The following REPS2 variants were observed in gnomAD, a reference collection of about 807,000 sequenced individuals.
The protein encoded by REPS2 is RALBP1 associated Eps domain containing 2.
REPS2 carries 23 observed loss-of-function variants against 53.6 expected under a neutral mutation model. The ratio of observed to expected loss-of-function variants is 0.43; its 90% confidence interval spans 0.31 to 0.61. The LOEUF (loss-of-function observed/expected upper bound fraction) is 0.61, where lower values mean the gene tolerates loss of function less well. Among genes scored for constraint, REPS2 ranks in the 20% least tolerant of loss-of-function variants. REPS2 has a pLI of 0.11. For synonymous variants in REPS2, 238 were observed against 218.6 expected (o/e 1.09, Z -0.78); for missense variants, 446 against 534.9 (o/e 0.83, Z 1.64).
intron 13 of REPS2, among the ~76,000 whole-genome samples, chrX:17,098,175 A>C (rs1446740471): frequency 9.0e-6 from 1 of 111,452 alleles, no homozygotes; most frequent in Non-Finnish European, 1.9e-5. Flanking sequence ...GATATAAAAA[A>C]CTTACCAAGT....
At chrX:17,008,187 T>C (rs763213875) in intron 2 of REPS2, among the ~76,000 whole-genome samples, 8 of 112,460 alleles carry the variant, frequency 7.1e-5, no homozygotes, top group African/African-American at 9.7e-5. Flanking sequence ...TAGTTGAAAG[T>C]TGCATCACAC....
chrX:17,175,909 G>T, the REPS2 span, among the ~76,000 whole-genome samples: 1 of 112,115 alleles, frequency 8.9e-6, no homozygotes, highest in African/African-American at 3.2e-5. Flanking sequence ...CCTGTAGGAG[G>T]TTCCACAGCC....
intron 1 of REPS2, among the ~76,000 whole-genome samples, chrX:16,986,733 G>C (rs2061095205): frequency 9.0e-6 from 1 of 111,126 alleles, no homozygotes; most frequent in Non-Finnish European, 1.9e-5. Flanking sequence ...TTTCACTACT[G>C]TGGGGTATTG....
At chrX:17,005,417 T>A (rs1270412719) in intron 1 of REPS2, among the ~76,000 whole-genome samples, 1 of 111,920 alleles carries the variant, frequency 8.9e-6, no homozygotes, top group Non-Finnish European at 1.9e-5. Context: ...CTACCAAACT[T>A]CAACAATTAC....
At position 17,025,162 on chromosome X, in the gene REPS2, G is replaced by A. The variant is rs371199285; in HGVS notation, c.650G>A (p.Ser217Asn). ...AGCCATGGCTACAGCAAACTGCGGA[G>A]CAGCGCAGAACAGATGCATCCAGGT... ...PLSHGYSKLR[S>N]SAEQMHPAPY... The change falls in exon 4 of 18, where the codon AGC becomes AAC. Residue 217 changes from serine to asparagine, a missense_variant. Transcript: ENST00000357277. 1 of 1,211,789 alleles carries A rather than the reference G, an allele frequency of 8.3e-7. No individual in the cohort carries two copies. Among genetic ancestry groups the A allele is most frequent in the South Asian group, 1.8e-5 (1 of 56,979 alleles).
At chrX:16,952,492 C>A (rs1238261691) in intron 1 of REPS2, among the ~76,000 whole-genome samples, 1 of 111,555 alleles carries the variant, frequency 9.0e-6, no homozygotes, top group East Asian at 2.8e-4. Context: ...TAAAAAAAAC[C>A]CAATAAGTGT....
rs755190214 is a variant in REPS2 at position 17,125,064 on chromosome X, A to T, written c.1579-8760A>T. 1.6e-4 allele frequency among the ~76,000 whole-genome samples: 18 copies of T among 110,223 alleles called. No homozygotes were observed. The East Asian group carries it at 4.9e-3, about 30-fold the overall frequency. On this transcript the variant is annotated intron_variant, in intron 14 of 17. Transcript: ENST00000357277. ...TTTTTAGTAGAGACGGGGTTTCATC[A>T]TGTTGGTAGGCTGGTCTCAAACTCC... is the stretch of plus-strand genomic sequence containing the variant.
At chrX:17,026,948 G>T (rs1390175987) in intron 4 of REPS2, among the ~76,000 whole-genome samples, 1 of 110,338 alleles carries the variant, frequency 9.1e-6, no homozygotes, top group Non-Finnish European at 1.9e-5. Flanking sequence ...CCACCACACC[G>T]GGCTAATTTT....
chrX:16,980,679 T>G (rs2061010557), intron 1 of REPS2, among the ~76,000 whole-genome samples: 1 of 112,205 alleles, frequency 8.9e-6, no homozygotes, highest in African/African-American at 3.2e-5. Flanking sequence ...TTTATAATAT[T>G]TTAATAACGT....
intron 1 of REPS2, among the ~76,000 whole-genome samples, chrX:16,961,040 G>T (rs2060654862): frequency 9.0e-6 from 1 of 111,672 alleles, no homozygotes; most frequent in Non-Finnish European, 1.9e-5. Flanking sequence ...ACAATATACA[G>T]GTTCAATGCA....
chrX:17,008,429 T>G (rs2061388313), intron 2 of REPS2, among the ~76,000 whole-genome samples: 1 of 112,112 alleles, frequency 8.9e-6, no homozygotes, highest in Non-Finnish European at 1.9e-5. Context: ...GCAGGATTGT[T>G]GAAGTTATCA....
intron 14 of REPS2, among the ~76,000 whole-genome samples, chrX:17,125,180 T>C (rs944006852): frequency 2.5e-4 from 28 of 110,616 alleles, no homozygotes; most frequent in African/African-American, 7.6e-4. Flanking sequence ...GGATTTGACT[T>C]TTTTTTTGGT....
chrX:17,167,051 G>C, the REPS2 span, among the ~76,000 whole-genome samples: 1 of 111,862 alleles, frequency 8.9e-6, no homozygotes, highest in Non-Finnish European at 1.9e-5. Flanking sequence ...TTTTTATGTT[G>C]ATTTCTTTGG....
intron 14 of REPS2, among the ~76,000 whole-genome samples, chrX:17,109,136 T>C (rs113449575): frequency 0.025 from 2,788 of 110,867 alleles, 90 homozygotes; most frequent in African/African-American, 0.087. Context: ...GTTCCAGTTC[T>C]GGTAGGGATG....
intron 5 of REPS2, among the ~76,000 whole-genome samples, chrX:17,032,362 C>A (rs1353930898): frequency 1.8e-5 from 2 of 112,110 alleles, no homozygotes; most frequent in Non-Finnish European, 3.8e-5. Context: ...GATTTAACAG[C>A]CCATTGTAAC....
At chrX:17,061,349 A>G (rs2062156631) in intron 8 of REPS2, among the ~76,000 whole-genome samples, 1 of 112,106 alleles carries the variant, frequency 8.9e-6, no homozygotes, top group African/African-American at 3.2e-5. Flanking sequence ...TATGTTGCCC[A>G]GGCTGGTCTC....
intron 13 of REPS2, among the ~76,000 whole-genome samples, chrX:17,087,772 T>C (rs972609654): frequency 9.0e-6 from 1 of 110,605 alleles, no homozygotes; most frequent in Non-Finnish European, 1.9e-5. Flanking sequence ...CCATCTCTAC[T>C]AAAAATACAA....
the REPS2 span, among the ~76,000 whole-genome samples, chrX:17,180,607 TTC>T: frequency 0.04 from 3,858 of 97,503 alleles, 160 homozygotes; most frequent in African/African-American, 0.15. Context: ...CAGGCTTTGG[TTC>T]TCTCTCTCTC....
chrX:17,144,153 G>A (rs781701492), intron 17 of REPS2, among the ~76,000 whole-genome samples: 3 of 112,545 alleles, frequency 2.7e-5, no homozygotes, highest in East Asian at 5.6e-4. Flanking sequence ...TACATGGAGG[G>A]ATAGAGTTGG....
Sources: allele counts gnomAD v4.1 joint callset (sites outside exome capture counted in the v4.1 genomes callset), GRCh38; gene constraint gnomAD v4.1.1; transcripts MANE v1.5; gene names NCBI Gene and HGNC (gene_info 2026-07-23, HGNC 2026-07-21).